TCTN3: variants seen among roughly 807,000 people sequenced by gnomAD.
TCTN3 encodes the protein tectonic family member 3.
A neutral mutation model predicts 71.3 loss-of-function variants in TCTN3; 57 were observed. The ratio of observed to expected loss-of-function variants is 0.80; its 90% CI spans 0.65 to 1.00. The LOEUF is 1.00. Among genes scored for constraint, TCTN3 ranks in the 50% least tolerant of loss-of-function variants. The pLI is 0.00. For missense variants in TCTN3, 696 were observed against 719.9 expected, an observed-to-expected ratio of 0.97 and a Z score of 0.38; for synonymous variants, 258 against 267.8, an observed-to-expected ratio of 0.96 and a Z score of 0.36.
intron 13 of TCTN3, among the ~76,000 whole-genome samples, chr10:95,679,583 CTTTTTTTTTTTTT>C (rs201828119): frequency 2.5e-4 from 24 of 96,446 alleles, no homozygotes; most frequent in African/African-American, 6.4e-4. Context: ...CTAGTCATTT[CTTTTTTTTTTTTT>C]TTTTTTTTTT....
chr10:95,665,705 C>T (rs1227921742), intron 13 of TCTN3, among the ~76,000 whole-genome samples: 1 of 152,096 alleles, frequency 6.6e-6, no homozygotes, highest in Admixed American at 6.6e-5. Flanking sequence ...TGAAACTGCC[C>T]TCTCTGATGC....
intron 13 of TCTN3, among the ~76,000 whole-genome samples, chr10:95,668,169 G>C (rs1438968314): frequency 8.2e-6 from 1 of 122,166 alleles, no homozygotes; most frequent in South Asian, 2.6e-4. Context: ...TTTTTAGGAA[G>C]AACAAAAAGA....
chr10:95,680,716 G>T, intron 12 of TCTN3, 107 bp from the exon 13 acceptor site: 1 of 1,347,004 alleles, frequency 7.4e-7, no homozygotes, highest in Non-Finnish European at 1.0e-6. Context: ...TAATAAGGAA[G>T]GCAATGTAGC....
chr10:95,684,739 C>T, intron 8 of TCTN3, 115 bp from the exon 9 acceptor site: 1 of 1,144,346 alleles, frequency 8.7e-7, no homozygotes, highest in Admixed American at 2.8e-5. Flanking sequence ...CAGACTGAAA[C>T]AGTAATGTTA....
Position 95,686,488 on chromosome 10 carries a change from A to G in TCTN3, c.888+7T>C. 6.2e-7 allele frequency: 1 copy of G among 1,613,990 alleles called. No homozygotes were observed. Among genetic ancestry groups the G allele is most frequent in the Non-Finnish European group, 8.5e-7 (1 of 1,179,962 alleles). ...TTTTCTTTTTTCCTGGTACAACAGC[A>G]TCATACCTCCATATTCTGTGGATCA... On this transcript the variant is annotated splice_region_variant and intron_variant, in intron 7 of 13. Coordinates refer to ENST00000371217, the MANE Select transcript of TCTN3 (RefSeq NM_015631.6).
At chr10:95,682,993 C>T (rs1283929404) in intron 11 of TCTN3, 108 bp downstream of exon 11, 3 of 1,286,770 alleles carry the variant, frequency 2.3e-6, no homozygotes, top group Non-Finnish European at 3.3e-6. Context: ...AAGACTATTC[C>T]TGACTAGCAT....
At chr10:95,671,243 G>A (rs2097931036) in intron 13 of TCTN3, among the ~76,000 whole-genome samples, 1 of 152,166 alleles carries the variant, frequency 6.6e-6, no homozygotes, top group South Asian at 2.1e-4. Context: ...TGTGGGTCCA[G>A]TTCTGTTATG....
intron 8 of TCTN3, 52 bp downstream of exon 8, chr10:95,685,504 G>A: frequency 7.1e-7 from 1 of 1,413,706 alleles, no homozygotes; most frequent in South Asian, 1.3e-5. Flanking sequence ...AGGCACCTCT[G>A]GCAGTGTTGA....
chr10:95,679,032 GATA>G (rs990075388), intron 13 of TCTN3, among the ~76,000 whole-genome samples: 21 of 152,182 alleles, frequency 1.4e-4, no homozygotes, highest in African/African-American at 4.8e-4. Context: ...AATTGGAACA[GATA>G]ATGTTTCTTC....
At chr10:95,679,534 T>C (rs1232297348) in intron 13 of TCTN3, among the ~76,000 whole-genome samples, 2 of 151,962 alleles carry the variant, frequency 1.3e-5, no homozygotes, top group Non-Finnish European at 2.9e-5. Flanking sequence ...AGTTACTAAA[T>C]TGGCATGCCA....
Position 95,680,577 on chromosome 10 carries a change from TGGTATGAGACA to T in TCTN3, c.1474_1484del (p.Cys492SerfsTer118), listed in dbSNP as rs1454064691. 4.3e-6 allele frequency: 7 copies of T among 1,613,970 alleles called. No individual in the cohort carries two copies. Among genetic ancestry groups the T allele is most frequent in the Non-Finnish European group, 5.9e-6 (7 of 1,180,016 alleles). On this transcript the variant is annotated frameshift_variant, in exon 13 of 14. Coordinates refer to ENST00000371217, the MANE Select transcript of TCTN3 (RefSeq NM_015631.6). LOFTEE classifies it high-confidence loss of function. ...ACAATACCTGGATCTCCAGGGAAAC[TGGTATGAGACA>T]GCAGGAAGTACAGTTTATAGCCTGC...
intron 13 of TCTN3, among the ~76,000 whole-genome samples, chr10:95,672,320 GT>G (rs1395599176): frequency 1.3e-5 from 2 of 152,044 alleles, no homozygotes; most frequent in Non-Finnish European, 1.5e-5. Context: ...GGATATTTGG[GT>G]TGTTTCCAGT....
At chr10:95,674,606 T>C (rs2097935018) in intron 13 of TCTN3, among the ~76,000 whole-genome samples, 1 of 152,196 alleles carries the variant, frequency 6.6e-6, no homozygotes, top group South Asian at 2.1e-4. Flanking sequence ...ATATAGTCCA[T>C]ATTCAAGTTT....
At chr10:95,688,415 A>AAAAAAAAAAAAAAG (rs2097950679) in intron 3 of TCTN3, among the ~76,000 whole-genome samples, 3 of 124,038 alleles carry the variant, frequency 2.4e-5, no homozygotes, top group African/African-American at 6.2e-5. Flanking sequence ...AAAAAAAAAA[A>AAAAAAAAAAAAAAG]AAAGAAAAAA....
intron 2 of TCTN3, 37 bp from the exon 3 acceptor site, chr10:95,693,075 G>A (rs752444381): frequency 4.0e-6 from 6 of 1,511,090 alleles, no homozygotes; most frequent in Non-Finnish European, 3.6e-6. Flanking sequence ...ATATTTAGAA[G>A]GGGCGGGGCA....
Position 95,683,598 on chromosome 10 carries a change from G to T in TCTN3, c.1127C>A (p.Thr376Asn). 2 of 1,614,044 alleles carry T rather than the reference G, an allele frequency of 1.2e-6. No homozygotes were observed. Among genetic ancestry groups the T allele is most frequent in the Non-Finnish European group, 1.7e-6 (2 of 1,179,970 alleles). Residue 376 changes from threonine (T) to asparagine (N), a missense_variant, in exon 10 of 14, where the codon ACC (threonine) becomes AAC (asparagine). Physicochemically the swap from Thr to Asn is moderately conservative, Grantham distance 65. Coordinates refer to ENST00000371217, the MANE Select transcript of TCTN3 (RefSeq NM_015631.6). ...GCCAGGATTCCCACTTCTAGGACTG[G>T]TGAGAGAAGCAGCTGTGCTCTGTTG... ...AFQQSTAASLTSPRSGNPGYI... is the reference protein window; with the variant it reads ...AFQQSTAASLNSPRSGNPGYI...
At chr10:95,686,068 A>G (rs957199271) in intron 7 of TCTN3, among the ~76,000 whole-genome samples, 1 of 152,198 alleles carries the variant, frequency 6.6e-6, no homozygotes, top group African/African-American at 2.4e-5. Flanking sequence ...TCTCTACAAA[A>G]TATTAAAAAA....
chr10:95,667,425 A>C (rs2097926742), intron 13 of TCTN3, among the ~76,000 whole-genome samples: 1 of 152,212 alleles, frequency 6.6e-6, no homozygotes, highest in Non-Finnish European at 1.5e-5. Flanking sequence ...CAAACCTGAA[A>C]GTTTTCAGAG....
Position 95,687,247 on chromosome 10 carries a change from C to A in TCTN3, c.736G>T (p.Gly246Cys), listed in dbSNP as rs932984190. 2 of 1,613,826 alleles carry A rather than the reference C, an allele frequency of 1.2e-6. No individual in the cohort carries two copies. Among genetic ancestry groups the A allele is most frequent in the South Asian group, 2.2e-5 (2 of 91,042 alleles). ...GTTGGTACTTTTGCTCTGGATTCAC[C>A]TGCAGGATTGCTTTCAGCACAGAGT... ...GGLCAESNPA[G>C]FLESKSTTCT... The change falls in exon 5 of 14, where the codon GGT (glycine) becomes TGT (cysteine). Residue 246 changes from glycine (G) to cysteine (C), a missense_variant and splice_region_variant. Transcript: ENST00000371217.
Sources: allele counts gnomAD v4.1 joint callset (sites outside exome capture counted in the v4.1 genomes callset), GRCh38; gene constraint gnomAD v4.1.1; transcripts MANE v1.5; gene names NCBI Gene and HGNC (gene_info 2026-07-23, HGNC 2026-07-21).